The following IL1RAPL1 variants were observed in gnomAD, a reference collection of about 807,000 sequenced individuals.
IL1RAPL1 encodes the protein interleukin-1 receptor accessory protein-like 1.
In IL1RAPL1, 3 loss-of-function variants were observed where a neutral mutation model predicts 48.4. The observed-to-expected ratio is 0.06, with a 90% CI of 0.03 to 0.16. The LOEUF (loss-of-function observed/expected upper bound fraction) is 0.16. Among genes scored for constraint, IL1RAPL1 ranks in the 10% least tolerant of loss-of-function variants. IL1RAPL1 has a pLI of 1.00. For missense variants in IL1RAPL1, 349 were observed against 530.6 expected, an observed-to-expected ratio of 0.66 and a Z score of 3.36; for synonymous variants, 185 against 187.7, an observed-to-expected ratio of 0.99 and a Z score of 0.12.
intron 3 of IL1RAPL1, among the ~76,000 whole-genome samples, chrX:29,347,552 C>G (rs1933167623): frequency 9.3e-6 from 1 of 107,845 alleles, no homozygotes; most frequent in African/African-American, 3.4e-5. Flanking sequence ...CCACACCCAG[C>G]TATTTTTAAA....
intron 5 of IL1RAPL1, among the ~76,000 whole-genome samples, chrX:29,453,691 A>G (rs1024198424): frequency 9.0e-6 from 1 of 111,414 alleles, no homozygotes; most frequent in South Asian, 3.8e-4. Context: ...GAGACTCTTC[A>G]CTGTTTGGAC....
chrX:28,858,126 GAT>G (rs1048261195), intron 2 of IL1RAPL1, among the ~76,000 whole-genome samples: 1 of 112,212 alleles, frequency 8.9e-6, no homozygotes, highest in African/African-American at 3.2e-5. Context: ...GGAGCCTGAA[GAT>G]ATGACTGAAT....
chrX:29,161,053 CTG>C (rs1323245896), intron 2 of IL1RAPL1, among the ~76,000 whole-genome samples: 3 of 105,946 alleles, frequency 2.8e-5, no homozygotes, highest in Non-Finnish European at 5.8e-5. Context: ...AAGCGAGACT[CTG>C]TCTCAAAAAA....
chrX:29,246,478 A>G (rs1427186510), intron 2 of IL1RAPL1, among the ~76,000 whole-genome samples: 1 of 110,818 alleles, frequency 9.0e-6, no homozygotes, highest in Non-Finnish European at 1.9e-5. Flanking sequence ...GGGGATTTTC[A>G]TAACAGCCAG....
At chrX:29,165,192 A>T (rs1929763652) in intron 2 of IL1RAPL1, among the ~76,000 whole-genome samples, 1 of 111,599 alleles carries the variant, frequency 9.0e-6, no homozygotes, top group Non-Finnish European at 1.9e-5. Flanking sequence ...GGTGGTGGGC[A>T]CCTGTAATTC....
intron 5 of IL1RAPL1, among the ~76,000 whole-genome samples, chrX:29,616,940 A>G (rs1924307862): frequency 9.0e-6 from 1 of 111,381 alleles, no homozygotes; most frequent in Non-Finnish European, 1.9e-5. Flanking sequence ...CATTAATTGT[A>G]TAACCATTTA....
chrX:29,944,930 A>T (rs1262748060), intron 9 of IL1RAPL1, among the ~76,000 whole-genome samples: 1 of 110,306 alleles, frequency 9.1e-6, no homozygotes, highest in Non-Finnish European at 1.9e-5. Context: ...AAACTCGGCT[A>T]CACGCATACC....
chrX:29,402,529 G>A (rs1470830830), intron 5 of IL1RAPL1, among the ~76,000 whole-genome samples: 1 of 111,722 alleles, frequency 9.0e-6, no homozygotes, highest in African/African-American at 3.3e-5. Context: ...TAGATTTACA[G>A]AAAAAACATA....
chrX:29,216,367 T>A (rs1202395560), intron 2 of IL1RAPL1, among the ~76,000 whole-genome samples: 1 of 109,881 alleles, frequency 9.1e-6, no homozygotes, highest in Non-Finnish European at 1.9e-5. Flanking sequence ...TTTTTTTAAT[T>A]TTTGTTTTGT....
At chrX:29,522,167 T>G (rs1240244430) in intron 5 of IL1RAPL1, among the ~76,000 whole-genome samples, 1 of 111,285 alleles carries the variant, frequency 9.0e-6, no homozygotes, top group Admixed American at 9.6e-5. Flanking sequence ...ATTTTTGCCT[T>G]TTTTGAGACA....
chrX:29,565,663 A>G (rs1296577786), intron 5 of IL1RAPL1, among the ~76,000 whole-genome samples: 1 of 112,104 alleles, frequency 8.9e-6, no homozygotes, highest in Non-Finnish European at 1.9e-5. Flanking sequence ...AAATGGCTAC[A>G]ATTTTGCATA....
intron 3 of IL1RAPL1, among the ~76,000 whole-genome samples, chrX:29,356,589 ACACT>A (rs1205371698): frequency 9.0e-6 from 1 of 110,828 alleles, no homozygotes; most frequent in African/African-American, 3.3e-5. Flanking sequence ...ACACACGCAC[ACACT>A]CACATTCTAA....
At chrX:28,938,609 T>A (rs1924079952) in intron 2 of IL1RAPL1, among the ~76,000 whole-genome samples, 1 of 111,243 alleles carries the variant, frequency 9.0e-6, no homozygotes, top group Non-Finnish European at 1.9e-5. Flanking sequence ...GACGTAGGAA[T>A]AGGCAAATAT....
chrX:28,792,116 G>A lies in IL1RAPL1; in HGVS notation c.82+2691G>A, dbSNP rs1049876820. On this transcript the variant is annotated intron_variant, in intron 2 of 10. Coordinates refer to ENST00000378993, the MANE Select transcript of IL1RAPL1 (RefSeq NM_014271.4). Reference sequence around the variant, plus strand: ...TTGTCTTATCATTTAATTCTCTTTTGATTCTTTATTTTATTCATCTTTTTG... The same window carrying A: ...TTGTCTTATCATTTAATTCTCTTTTAATTCTTTATTTTATTCATCTTTTTG... Among the ~76,000 whole-genome samples the A allele has an allele frequency of 7.2e-5, 8 of 111,478 alleles. No homozygotes were observed. The East Asian group carries it at 2.0e-3, about 28-fold the overall frequency.
intron 6 of IL1RAPL1, among the ~76,000 whole-genome samples, chrX:29,898,301 C>T (rs1469416262): frequency 1.8e-5 from 2 of 112,078 alleles, no homozygotes; most frequent in African/African-American, 6.5e-5. Context: ...GTGGGCATGG[C>T]CACGGCAAAT....
chrX:29,462,352 T>G (rs1934812795), intron 5 of IL1RAPL1, among the ~76,000 whole-genome samples: 1 of 111,659 alleles, frequency 9.0e-6, no homozygotes, highest in African/African-American at 3.3e-5. Context: ...TGCTCTGTGA[T>G]AAAGGCGTAT....
chrX:29,087,652 C>A (rs1927984218), intron 2 of IL1RAPL1, among the ~76,000 whole-genome samples: 1 of 112,202 alleles, frequency 8.9e-6, no homozygotes, highest in African/African-American at 3.2e-5. Context: ...GAAAACATCA[C>A]AATGTTTCAA....
intron 2 of IL1RAPL1, among the ~76,000 whole-genome samples, chrX:29,025,896 G>A (rs1334645863): frequency 9.0e-6 from 1 of 111,482 alleles, no homozygotes; most frequent in African/African-American, 3.3e-5. Flanking sequence ...ACATCCCTGA[G>A]AGAGGATCAT....
At chrX:28,897,490 G>C (rs1012471258) in intron 2 of IL1RAPL1, among the ~76,000 whole-genome samples, 1 of 93,753 alleles carries the variant, frequency 1.1e-5, no homozygotes, top group African/African-American at 4.0e-5. Flanking sequence ...GTGGCGCCAA[G>C]ATTGAAAGGA....
Sources: gnomAD v4.1 joint callset for allele counts (sites outside exome capture counted in the v4.1 genomes callset) on GRCh38, gnomAD v4.1.1 for gene constraint, MANE v1.5 for transcripts, NCBI Gene and HGNC (gene_info 2026-07-23, HGNC 2026-07-21) for gene names.